The following LTBP1 variants were observed in gnomAD, a reference collection of about 807,000 sequenced individuals.
LTBP1 encodes the protein latent-transforming growth factor beta-binding protein 1.
LTBP1 carries 129 observed loss-of-function variants against 207.6 expected under a neutral mutation model. That is an observed-to-expected ratio of 0.62 (90% CI 0.54 to 0.72). LTBP1 has a LOEUF of 0.72. Ranked by LOEUF, LTBP1 falls within the 30% of genes least tolerant of loss-of-function variation. LTBP1 has a pLI of 0.00. For synonymous variants in LTBP1, 963 were observed against 833.7 expected, an observed-to-expected ratio of 1.16 and a Z score of -2.67; for missense variants, 2,281 against 2,217.2, an observed-to-expected ratio of 1.03 and a Z score of -0.58.
intron 19 of LTBP1, among the ~76,000 whole-genome samples, chr2:33,284,685 C>T (rs1355963847): frequency 6.6e-6 from 1 of 152,176 alleles, no homozygotes; most frequent in African/African-American, 2.4e-5. Flanking sequence ...CGATGAGAGC[C>T]ATCCCCCAAG....
intron 7 of LTBP1, among the ~76,000 whole-genome samples, chr2:33,200,361 A>C (rs1369925249): frequency 2.0e-5 from 3 of 152,194 alleles, no homozygotes; most frequent in Non-Finnish European, 4.4e-5. Context: ...ACCTGAGAAA[A>C]ACAAGCAATG....
At position 33,252,809 on chromosome 2, in the gene LTBP1, G is replaced by A. The variant is rs573256513; in HGVS notation, c.2132G>A (p.Gly711Asp). 3 of 1,611,148 alleles carry A rather than the reference G, an allele frequency of 1.9e-6. No homozygotes were observed. The highest frequency in any genetic ancestry group is 1.3e-5 in the African/African-American group (1 of 75,008). ...LCCCSVGKAW[G>D]PHCEKCPLPG... ...TGTTGTAGTGTGGGCAAGGCCTGGG[G>A]CCCACACTGTGAGAAATGTCCCCTT... Residue 711 changes from glycine (G) to aspartate (D), a missense_variant, in exon 11 of 34, where the codon GGC (glycine) becomes GAC (aspartate). Gly to Asp is a moderately conservative substitution (Grantham distance 94). Around this residue, in one of 3 missense-constraint regions of LTBP1, gnomAD observed 1,671 missense variants for 1,634.8 expected, o/e 1.02. Coordinates refer to ENST00000404816, the MANE Select transcript of LTBP1 (RefSeq NM_206943.4).
intron 15 of LTBP1, among the ~76,000 whole-genome samples, chr2:33,271,624 G>A (rs976997076): frequency 6.6e-6 from 1 of 152,080 alleles, no homozygotes; most frequent in Non-Finnish European, 1.5e-5. Flanking sequence ...GCCAAGACAT[G>A]CTTAGTGTAA....
chr2:33,315,516 G>C (rs1474164520), intron 24 of LTBP1, among the ~76,000 whole-genome samples: 4 of 152,230 alleles, frequency 2.6e-5, no homozygotes, highest in African/African-American at 7.2e-5. Flanking sequence ...CTGAATTAAT[G>C]AGTGGAAATG....
chr2:33,276,817 T>C (rs2093435166), intron 18 of LTBP1, among the ~76,000 whole-genome samples: 1 of 152,226 alleles, frequency 6.6e-6, no homozygotes, highest in African/African-American at 2.4e-5. Context: ...TGCCACTGCA[T>C]TCCAGCCCAG....
At chr2:33,360,253 A>G (rs1458776096) in intron 26 of LTBP1, among the ~76,000 whole-genome samples, 1 of 152,208 alleles carries the variant, frequency 6.6e-6, no homozygotes, top group Non-Finnish European at 1.5e-5. Flanking sequence ...TGATTTAAGT[A>G]GGTGTTATAG....
intron 5 of LTBP1, among the ~76,000 whole-genome samples, chr2:33,184,598 A>G (rs1319036353): frequency 6.6e-6 from 1 of 152,184 alleles, no homozygotes; most frequent in African/African-American, 2.4e-5. Flanking sequence ...CAAAGGATTT[A>G]TATTTCATAC....
intron 15 of LTBP1, among the ~76,000 whole-genome samples, chr2:33,271,563 T>A (rs950521731): frequency 6.6e-6 from 1 of 152,186 alleles, no homozygotes; most frequent in African/African-American, 2.4e-5. Flanking sequence ...CTTCAGATTT[T>A]AGGTACATAC....
chr2:33,073,992 T>C (rs774985864), intron 3 of LTBP1, among the ~76,000 whole-genome samples: 4 of 152,206 alleles, frequency 2.6e-5, no homozygotes, highest in Non-Finnish European at 4.4e-5. Context: ...TAAGGTGATA[T>C]ACAGGTATAA....
At chr2:33,073,386 T>G (rs566999239) in intron 3 of LTBP1, among the ~76,000 whole-genome samples, 44 of 152,098 alleles carry the variant, frequency 2.9e-4, no homozygotes, top group African/African-American at 9.9e-4. Context: ...CCAGAGGAAG[T>G]TTATCTTGTG....
chr2:33,100,664 G>A (rs1448291237), intron 3 of LTBP1, among the ~76,000 whole-genome samples: 1 of 151,928 alleles, frequency 6.6e-6, no homozygotes, highest in Non-Finnish European at 1.5e-5. Flanking sequence ...TCACCCCAAG[G>A]AGAAACTCTA....
chr2:32,975,962 G>A (rs1401461498), intron 2 of LTBP1, among the ~76,000 whole-genome samples: 1 of 152,130 alleles, frequency 6.6e-6, no homozygotes, highest in Non-Finnish European at 1.5e-5. Context: ...GTTGTTTGGA[G>A]GTAAGAAGAC....
intron 25 of LTBP1, 56 bp from the exon 26 acceptor site, chr2:33,347,311 A>T: frequency 6.2e-7 from 1 of 1,604,636 alleles, no homozygotes; most frequent in Non-Finnish European, 8.5e-7. Flanking sequence ...CTGGTAAAAT[A>T]GAGAGCTGTC....
intron 3 of LTBP1, among the ~76,000 whole-genome samples, chr2:33,062,125 T>G (rs996744608): frequency 1.3e-5 from 2 of 152,182 alleles, no homozygotes. Flanking sequence ...AAATGTCTAT[T>G]GAATATATTG....
At chr2:33,279,789 G>A (rs2093520985) in intron 18 of LTBP1, among the ~76,000 whole-genome samples, 1 of 152,180 alleles carries the variant, frequency 6.6e-6, no homozygotes, top group Admixed American at 6.5e-5. Context: ...GAGAGGCCAG[G>A]TCCTGCTAGT....
At chr2:33,335,432 C>A (rs1490597655) in intron 24 of LTBP1, among the ~76,000 whole-genome samples, 2 of 152,112 alleles carry the variant, frequency 1.3e-5, no homozygotes, top group Non-Finnish European at 1.5e-5. Context: ...TCTCCTAGAA[C>A]AAAGTTATTT....
At chr2:33,139,682 T>C (rs1440156290) in intron 5 of LTBP1, among the ~76,000 whole-genome samples, 1 of 152,128 alleles carries the variant, frequency 6.6e-6, no homozygotes, top group Non-Finnish European at 1.5e-5. Flanking sequence ...CTTGAAACAT[T>C]GGTAAGTTCC....
chr2:32,969,901 A>G (rs1386114585), intron 2 of LTBP1, among the ~76,000 whole-genome samples: 2 of 152,120 alleles, frequency 1.3e-5, no homozygotes, highest in Non-Finnish European at 2.9e-5. Flanking sequence ...GTGTATAAAC[A>G]TTCCCTTTTT....
Position 33,021,025 on chromosome 2 carries a change from T to C in LTBP1, c.682T>C (p.Ser228Pro). Residue 228 changes from serine to proline, a missense_variant, in exon 3 of 34, where the codon TCA (serine) becomes CCA (proline). By Grantham distance (74) the Ser-to-Pro change is moderately conservative. This residue lies in a region of LTBP1 where 555 missense variants were observed against 491.0 expected (regional missense o/e 1.13). Transcript: ENST00000404816. ...CETIAAQDTS[S>P]PVFGGQSPGA... ...AACAATAGCTGCCCAGGACACCTCGTCACCAGTCTTTGGAGGGCAGAGTCC... is the reference window on the plus strand; with the variant it reads ...AACAATAGCTGCCCAGGACACCTCGCCACCAGTCTTTGGAGGGCAGAGTCC... 2 of 1,614,100 alleles carry C rather than the reference T, an allele frequency of 1.2e-6. No homozygotes were observed. The highest frequency in any genetic ancestry group is 1.7e-6 in the Non-Finnish European group (2 of 1,179,998).
Sources: gnomAD v4.1 joint callset for allele counts (sites outside exome capture counted in the v4.1 genomes callset) on GRCh38, gnomAD v4.1.1 for gene constraint, gnomAD v4.1.1 regional missense constraint, MANE v1.5 for transcripts, NCBI Gene and HGNC (gene_info 2026-07-23, HGNC 2026-07-21) for gene names.